The following IFT88 variants were observed in gnomAD, a reference collection of about 807,000 sequenced individuals.
IFT88 encodes the protein intraflagellar transport protein 88 homolog.
Under a neutral mutation model 119.5 loss-of-function variants are expected in IFT88, and 74 were observed. The ratio of observed to expected loss-of-function variants is 0.62; its 90% CI spans 0.51 to 0.75. The LOEUF (loss-of-function observed/expected upper bound fraction) is 0.75. IFT88 is among the 30% of genes least tolerant of loss of function. The pLI, the probability that IFT88 is intolerant of heterozygous loss-of-function variation, is 0.00. For synonymous variants in IFT88, 279 were observed against 316.7 expected (o/e 0.88, Z 1.26); for missense variants, 961 against 977.7 (o/e 0.98, Z 0.23).
chr13:20,599,973 A>G lies in IFT88; in HGVS notation c.812+408A>G, dbSNP rs555623283. ...AAGGATTACTTCTGAGTCTTAGAAGAGGGGGAAGCTGGGATATTTTCTATT... is the reference window on the plus strand; with the variant it reads ...AAGGATTACTTCTGAGTCTTAGAAGGGGGGGAAGCTGGGATATTTTCTATT... On this transcript the variant is annotated intron_variant, in intron 11 of 25. Coordinates refer to ENST00000351808, the MANE Select transcript of IFT88 (RefSeq NM_006531.5). Among the ~76,000 whole-genome samples, 20 of 152,214 alleles carry G rather than the reference A, an allele frequency of 1.3e-4. 1 individual carries two copies. The East Asian group carries it at 3.7e-3, about 28-fold the overall frequency.
chr13:20,615,006 G>A (rs891745123), intron 13 of IFT88, among the ~76,000 whole-genome samples: 4 of 151,844 alleles, frequency 2.6e-5, no homozygotes, highest in African/African-American at 4.8e-5. Flanking sequence ...TAGTAGAGAC[G>A]GGGTTTCACC....
rs755529108 is a variant in IFT88 at position 20,583,014 on chromosome 13, C to A, written c.148C>A (p.Pro50Thr). ...TGTGAGGACTAGTCATGGCAGAAGACCTCCAGTAAGTGAAAAAAATTTTTT... is the reference window on the plus strand; with the variant it reads ...TGTGAGGACTAGTCATGGCAGAAGAACTCCAGTAAGTGAAAAAAATTTTTT... ...QAVRTSHGRR[P>T]PITAKISSTA... is the part of the protein sequence containing the mutation. The change falls in exon 3 of 26, where the codon CCT becomes ACT. Residue 50 changes from proline to threonine, a missense_variant. Pro to Thr is a conservative substitution (Grantham distance 38). Transcript: ENST00000351808. The A allele has an allele frequency of 1.2e-5, 19 of 1,603,304 alleles. No individual in the cohort carries two copies. Among genetic ancestry groups the A allele is most frequent in the Non-Finnish European group, 1.6e-5 (19 of 1,174,652 alleles).
chr13:20,690,154 T>C (rs191439104), intron 24 of IFT88, among the ~76,000 whole-genome samples: 6 of 152,314 alleles, frequency 3.9e-5, no homozygotes, highest in Non-Finnish European at 7.4e-5. Context: ...AGTGTGTTTA[T>C]CAGTGGACTA....
rs151283554 is a variant in IFT88, at chr13:20,583,044, A to G, written c.153+25A>G. 1.1e-4 allele frequency: 168 copies of G among 1,473,460 alleles called. No individual in the cohort carries two copies. The African/African-American group carries it at 1.9e-3, about 17-fold the overall frequency. 91.3% of individuals were successfully genotyped at this position (1,473,460 alleles called of 1,614,324 possible). On this transcript the variant is annotated intron_variant, in intron 3 of 25. Coordinates refer to ENST00000351808, the MANE Select transcript of IFT88 (RefSeq NM_006531.5). ...AGTAAGTGAAAAAAATTTTTTTTAA[A>G]TTGTGGTAAAAAATACATAACATGA...
intron 7 of IFT88, among the ~76,000 whole-genome samples, chr13:20,593,030 G>A (rs2040978609): frequency 6.6e-6 from 1 of 152,094 alleles, no homozygotes; most frequent in Non-Finnish European, 1.5e-5. Flanking sequence ...AAATGGGGTT[G>A]TAAATGTTGT....
At chr13:20,620,965 C>A (rs978594939) in intron 14 of IFT88, among the ~76,000 whole-genome samples, 1 of 152,194 alleles carries the variant, frequency 6.6e-6, no homozygotes, top group Admixed American at 6.5e-5. Context: ...CACCAGACAG[C>A]CAGCCTGCTG....
At position 20,671,739 on chromosome 13, in the gene IFT88, A is replaced by G. The variant is rs74609096; in HGVS notation, c.2242+700A>G. 3.1e-3 allele frequency among the ~76,000 whole-genome samples: 467 copies of G among 152,328 alleles called. 1 individual carries two copies. Among genetic ancestry groups the G allele is most frequent in the African/African-American group, 0.011 (451 of 41,572 alleles). ...CAAATTTGGTGATTTTAAAGAAGCT[A>G]ATTTTAAAAATAAATGTCGAATTGG... On this transcript the variant is annotated intron_variant, in intron 24 of 25. Transcript: ENST00000351808.
In IFT88 at chr13:20,663,581, A is replaced by G; in HGVS notation, c.2152A>G (p.Lys718Glu). Residue 718 changes from lysine to glutamate, a missense_variant, in exon 23 of 26, where the codon AAA (lysine) becomes GAA (glutamate). Transcript: ENST00000351808. ...TGCCAGAAAACTGAAGAGGTTGGAA[A>G]AAATGAAAGAAATAAGGGAACAGGT... is the stretch of plus-strand genomic sequence containing the variant. ...EYARKLKRLE[K>E]MKEIREQRIK... 6.2e-7 allele frequency: 1 copy of G among 1,613,434 alleles called. No individual in the cohort carries two copies.
chr13:20,622,429 A>G (rs2046686223), intron 14 of IFT88, among the ~76,000 whole-genome samples: 1 of 152,188 alleles, frequency 6.6e-6, no homozygotes. Flanking sequence ...TTGCTGTACC[A>G]TTTTGCATTC....
chr13:20,571,302 A>G (rs1409787991), intron 1 of IFT88, among the ~76,000 whole-genome samples: 18 of 152,192 alleles, frequency 1.2e-4, no homozygotes, highest in Admixed American at 1.1e-3. Context: ...CCTAAGCTGA[A>G]AATTTCTTAG....
At chr13:20,614,222 A>C (rs969464612) in intron 13 of IFT88, 6 of 152,240 alleles carry the variant, frequency 3.9e-5, no homozygotes, top group African/African-American at 1.2e-4. Flanking sequence ...TTTTTAAATC[A>C]ATCAATGTAA....
chr13:20,656,440 AT>A lies in IFT88; in HGVS notation c.2068+12del. 1.5e-6 allele frequency: 2 copies of A among 1,367,940 alleles called. No homozygotes were observed. The highest frequency in any genetic ancestry group is 2.0e-6 in the Non-Finnish European group (2 of 984,660). 84.7% of individuals were successfully genotyped at this position (1,367,940 alleles called of 1,614,324 possible). A position where few individuals can be genotyped will look rare whatever the true frequency, so the allele number is the denominator to read the frequency against. On this transcript the variant is annotated intron_variant, in intron 22 of 25. Transcript: ENST00000351808. ...CCAGAAAATGTCGAATGTAAGTGGC[AT>A]TACATAATGTAACTTTGAAGTGATA...
chr13:20,664,999 A>G (rs182055847), intron 23 of IFT88, among the ~76,000 whole-genome samples: 2 of 152,084 alleles, frequency 1.3e-5, no homozygotes, highest in African/African-American at 4.8e-5. Flanking sequence ...GAATGGCATG[A>G]ACCTGGGAGG....
Position 20,615,850 on chromosome 13 carries a change from T to G in IFT88, c.1170T>G (p.Ile390Met). 2 of 1,608,460 alleles carry G rather than the reference T, an allele frequency of 1.2e-6. No individual in the cohort carries two copies. Among genetic ancestry groups the G allele is most frequent in the Non-Finnish European group, 1.7e-6 (2 of 1,177,254 alleles). Residue 390 changes from isoleucine to methionine, a missense_variant, in exon 14 of 26, where the codon ATT becomes ATG. By Grantham distance (10) the Ile-to-Met change is conservative. Transcript: ENST00000351808. ...MTSAKLIAPV[I>M]ETSFAAGYDW... ...CTGCAAAACTCATTGCTCCTGTAAT[T>G]GAAACATCTTTTGCTGCAGGTTATG...
chr13:20,655,564 G>A (rs1258789128), intron 21 of IFT88, among the ~76,000 whole-genome samples: 10 of 151,886 alleles, frequency 6.6e-5, no homozygotes, highest in African/African-American at 2.4e-4. Context: ...ACTAATCACA[G>A]CTCACTGCAA....
chr13:20,680,140 G>A lies in IFT88; in HGVS notation c.2242+9101G>A, dbSNP rs955035829. On this transcript the variant is annotated intron_variant, in intron 24 of 25. Transcript: ENST00000351808. Reference sequence around the variant, plus strand: ...TAGGTTTTTGAGGGTGGTAAACTTCGGTTACAGGAGCATAATAATTGTGAT... The same window carrying A: ...TAGGTTTTTGAGGGTGGTAAACTTCAGTTACAGGAGCATAATAATTGTGAT... Among the ~76,000 whole-genome samples, 15 of 152,250 alleles carry A rather than the reference G, an allele frequency of 9.9e-5. 2 individuals are homozygous for A. In the South Asian group the frequency reaches 2.7e-3, roughly 27 times the overall value.
intron 18 of IFT88, chr13:20,642,539 G>A (rs887404555): frequency 6.6e-6 from 1 of 152,468 alleles, no homozygotes; most frequent in African/African-American, 2.4e-5. Flanking sequence ...GGGAGGCAGA[G>A]GTTGCAGTGA....
At chr13:20,660,833 C>T (rs1458823615) in intron 22 of IFT88, among the ~76,000 whole-genome samples, 3 of 152,088 alleles carry the variant, frequency 2.0e-5, no homozygotes, top group South Asian at 2.1e-4. Context: ...GCTACCTTTT[C>T]GATGTCCAAG....
At chr13:20,576,133 C>T (rs368635246) in intron 2 of IFT88, among the ~76,000 whole-genome samples, 1 of 152,160 alleles carries the variant, frequency 6.6e-6, no homozygotes, top group Non-Finnish European at 1.5e-5. Context: ...ATGTTGAGCA[C>T]TTTTTCATAT....
Sources: gnomAD v4.1 joint callset for allele counts (sites outside exome capture counted in the v4.1 genomes callset) on GRCh38, gnomAD v4.1.1 for gene constraint, MANE v1.5 for transcripts, NCBI Gene and HGNC (gene_info 2026-07-23, HGNC 2026-07-21) for gene names.